The following PCNT variants were observed in gnomAD, a reference collection of about 807,000 sequenced individuals.
The protein encoded by PCNT is kendrin.
PCNT carries 319 observed loss-of-function variants against 380.4 expected under a neutral mutation model. That is an observed-to-expected ratio of 0.84 (90% CI 0.77 to 0.92). The LOEUF (loss-of-function observed/expected upper bound fraction) is 0.92. Ranked by LOEUF, PCNT falls within the 40% of genes least tolerant of loss-of-function variation. The pLI is 0.00. For missense variants in PCNT, 4,400 were observed against 4,255.3 expected, an observed-to-expected ratio of 1.03 and a Z score of -0.95; for synonymous variants, 1,845 against 1,735.2, an observed-to-expected ratio of 1.06 and a Z score of -1.57.
Position 46,357,207 on chromosome 21 carries a change from AC to A in PCNT, c.2154+17del. On this transcript the variant is annotated intron_variant, in intron 13 of 46. Coordinates refer to ENST00000359568, the MANE Select transcript of PCNT (RefSeq NM_006031.6). ...TTTGGAGAAGGTGAGTCGTGACTCC[AC>A]AGCCCAGCGCCTCCCGCCCGAGTCC... 1 of 1,558,104 alleles carries A rather than the reference AC, an allele frequency of 6.4e-7. No homozygotes were observed.
chr21:46,326,923 G>C (rs1281973109), intron 2 of PCNT, among the ~76,000 whole-genome samples: 1 of 150,720 alleles, frequency 6.6e-6, no homozygotes, highest in Non-Finnish European at 1.5e-5. Flanking sequence ...TGAGGGAGGA[G>C]AATAGCTTCA....
At chr21:46,356,191 T>C (rs1332406679) in intron 12 of PCNT, among the ~76,000 whole-genome samples, 1 of 152,172 alleles carries the variant, frequency 6.6e-6, no homozygotes, top group African/African-American at 2.4e-5. Flanking sequence ...TGGCGTGGAC[T>C]GTGCTGATGG....
chr21:46,441,118 C>T (rs758280610), intron 43 of PCNT, 34 bp downstream of exon 43: 5 of 1,301,554 alleles, frequency 3.8e-6, no homozygotes, highest in Non-Finnish European at 5.6e-6. Flanking sequence ...GTGCGTTCCG[C>T]GTCTGTCTCC....
chr21:46,324,217 A>T lies in PCNT; in HGVS notation c.-12A>T. 1 of 1,609,338 alleles carries T rather than the reference A, an allele frequency of 6.2e-7. No individual in the cohort carries two copies. Among genetic ancestry groups the T allele is most frequent in the Non-Finnish European group, 8.5e-7 (1 of 1,177,824 alleles). On this transcript the variant is annotated 5_prime_UTR_variant, in exon 1 of 47. Coordinates refer to ENST00000359568, the MANE Select transcript of PCNT (RefSeq NM_006031.6). Reference sequence around the variant, plus strand: ...CGTCACCGCCGGGCGGCCCGCGCGGAGTCTGAGGGAGATGGAAGTTGAGCA... The same window carrying T: ...CGTCACCGCCGGGCGGCCCGCGCGGTGTCTGAGGGAGATGGAAGTTGAGCA...
chr21:46,347,358 G>C (rs189477290), intron 5 of PCNT, 99 bp from the exon 6 acceptor site: 314 of 1,148,342 alleles, frequency 2.7e-4, no homozygotes, highest in Admixed American at 4.3e-4. Flanking sequence ...ATGCTGGCAC[G>C]TGTCCAGTGG....
Position 46,422,119 on chromosome 21 carries a change from G to C in PCNT, c.7174G>C (p.Val2392Leu), listed in dbSNP as rs200405245. The C allele has an allele frequency of 5.6e-6, 9 of 1,613,518 alleles. No homozygotes were observed. The highest frequency in any genetic ancestry group is 6.8e-6 in the Non-Finnish European group (8 of 1,180,034). Residue 2392 changes from valine (V) to leucine (L), a missense_variant, in exon 32 of 47, where the codon GTG (valine) becomes CTG (leucine). Val to Leu is a conservative substitution (Grantham distance 32). Transcript: ENST00000359568. ...MKEKEVRPKH[V>L]KALLQMVRDE... ...GGAGAAGGAAGTGCGTCCGAAGCAC[G>C]TGAAGGTATGGCTGGCAGGGGCGGC...
chr21:46,412,700 C>A, intron 28 of PCNT, 137 bp from the exon 29 acceptor site: 1 of 919,560 alleles, frequency 1.1e-6, no homozygotes, highest in Non-Finnish European at 1.8e-6. Flanking sequence ...CCAAGGTGCT[C>A]GGCTGTGGAT....
chr21:46,349,611 A>G (rs776309059), intron 7 of PCNT, 73 bp from the exon 8 acceptor site: 82 of 1,514,734 alleles, frequency 5.4e-5, no homozygotes, highest in Non-Finnish European at 7.1e-5. Context: ...TGGGTGCACC[A>G]TTATTGTCAC....
Position 46,351,986 on chromosome 21 carries a change from C to T in PCNT, c.1456+446C>T, listed in dbSNP as rs533682157. 1.2e-3 allele frequency among the ~76,000 whole-genome samples: 189 copies of T among 152,354 alleles called. 5 individuals are homozygous for T. The highest frequency in any genetic ancestry group is 6.8e-3 in the Middle Eastern group (2 of 294). ...GCCACTTGCTGAAGGCAGCTCTGCTCCAGGTGTCCCCTTATAGCTGAGCAC... is the reference window on the plus strand; with the variant it reads ...GCCACTTGCTGAAGGCAGCTCTGCTTCAGGTGTCCCCTTATAGCTGAGCAC... On this transcript the variant is annotated intron_variant, in intron 9 of 46. Transcript: ENST00000359568.
chr21:46,396,357 G>T (rs2086210200), intron 21 of PCNT, among the ~76,000 whole-genome samples: 1 of 152,190 alleles, frequency 6.6e-6, no homozygotes, highest in African/African-American at 2.4e-5. Context: ...CTGCTTCTAA[G>T]GCAGAGCCTT....
chr21:46,416,698 G>A lies in PCNT; in HGVS notation c.6780G>A (p.Leu2260=), dbSNP rs768274224. The part of the protein sequence containing the change: ...ALSLCSADTS[L]GDRADTSLPQ... ...GCCTGTGCAGTGCCGACACATCCCT[G>A]GGGGACAGGGCGGACACCTCGCTGC... The change falls in exon 30 of 47, where the codon CTG becomes CTA. Residue 2260 remains leucine, a synonymous_variant. Transcript: ENST00000359568. The A allele has an allele frequency of 6.4e-7, 1 of 1,568,448 alleles. No individual in the cohort carries two copies. Among genetic ancestry groups the A allele is most frequent in the South Asian group, 1.2e-5 (1 of 83,642 alleles).
rs978272487 is a variant in PCNT at position 46,418,214 on chromosome 21, T to C, written c.6932T>C (p.Val2311Ala). The change falls in exon 31 of 47, where the codon GTC (valine) becomes GCC (alanine). Residue 2311 changes from valine (V) to alanine (A), a missense_variant. Val to Ala is a moderately conservative substitution (Grantham distance 64). Coordinates refer to ENST00000359568, the MANE Select transcript of PCNT (RefSeq NM_006031.6). ...AAAATCTCTTAACAGGAGAAAGATG[T>C]CGAAGATTTTATCACAACATCCTTT... ...HVQRTAVEKD[V>A]EDFITTSFDS... 1 of 1,582,838 alleles carries C rather than the reference T, an allele frequency of 6.3e-7. No individual in the cohort carries two copies. The highest frequency in any genetic ancestry group is 8.7e-7 in the Non-Finnish European group (1 of 1,153,110).
At chr21:46,400,915 A>G (rs540533548) in intron 25 of PCNT, among the ~76,000 whole-genome samples, 1 of 152,146 alleles carries the variant, frequency 6.6e-6, no homozygotes, top group East Asian at 1.9e-4. Flanking sequence ...CGCAGGGAGG[A>G]CCGCTGAGCA....
At chr21:46,383,139 G>A (rs186003133) in intron 16 of PCNT, among the ~76,000 whole-genome samples, 6,435 of 144,918 alleles carry the variant, frequency 0.044, 1 homozygote, top group Non-Finnish European at 0.071. Context: ...CCCATTCACG[G>A]TGTTGTGCAT....
At chr21:46,412,619 G>C (rs1337046679) in intron 28 of PCNT, among the ~76,000 whole-genome samples, 2 of 152,226 alleles carry the variant, frequency 1.3e-5, no homozygotes, top group African/African-American at 4.8e-5. Context: ...ACCTTGCTCT[G>C]TGGGGTCGTC....
intron 15 of PCNT, among the ~76,000 whole-genome samples, chr21:46,380,200 C>T (rs1051761751): frequency 2.0e-4 from 23 of 113,922 alleles, no homozygotes; most frequent in African/African-American, 5.8e-4. Context: ...GAGTCTCTGT[C>T]GCCCAGGCTA....
chr21:46,438,441 G>C, intron 41 of PCNT, 104 bp downstream of exon 41: 1 of 1,000,504 alleles, frequency 1.0e-6, no homozygotes, highest in South Asian at 1.3e-5. Flanking sequence ...ACCTGGGGAT[G>C]TGGGCGTCAC....
chr21:46,391,927 G>C (rs926531672), intron 21 of PCNT, among the ~76,000 whole-genome samples: 3 of 152,174 alleles, frequency 2.0e-5, no homozygotes, highest in Non-Finnish European at 2.9e-5. Flanking sequence ...TTGCATTCGT[G>C]CATCTCAGGC....
chr21:46,386,547 G>T (rs1186227902), intron 17 of PCNT, among the ~76,000 whole-genome samples: 1 of 152,240 alleles, frequency 6.6e-6, no homozygotes, highest in African/African-American at 2.4e-5. Context: ...CCAGGGCGGG[G>T]TGTGGGTCTG....
Sources: gnomAD v4.1 joint callset for allele counts (sites outside exome capture counted in the v4.1 genomes callset) on GRCh38, gnomAD v4.1.1 for gene constraint, MANE v1.5 for transcripts, NCBI Gene and HGNC (gene_info 2026-07-23, HGNC 2026-07-21) for gene names.